PRKG1: variants seen among roughly 807,000 people sequenced by gnomAD.
The protein encoded by PRKG1 is cGMP-dependent protein kinase 1.
Under a neutral mutation model 88.1 loss-of-function variants are expected in PRKG1, and 35 were observed. That is an observed-to-expected ratio of 0.40 (90% CI 0.30 to 0.53). The LOEUF is 0.53. Ranked by LOEUF, PRKG1 falls within the 20% of genes least tolerant of loss-of-function variation. The probability of loss-of-function intolerance (pLI) is 0.59; values close to 1 mark genes in which losing one functional copy is unlikely to be tolerated. For missense variants in PRKG1, 540 were observed against 839.8 expected, an observed-to-expected ratio of 0.64 and a Z score of 4.41; for synonymous variants, 303 against 292.5, an observed-to-expected ratio of 1.04 and a Z score of -0.37.
chr10:51,451,224 G>C (rs1178555564), intron 2 of PRKG1, among the ~76,000 whole-genome samples: 1 of 151,714 alleles, frequency 6.6e-6, no homozygotes, highest in African/African-American at 2.4e-5. Context: ...GTTTAAGGGA[G>C]TGATGAGACT....
intron 3 of PRKG1, among the ~76,000 whole-genome samples, chr10:51,651,078 A>G (rs779322465): frequency 2.6e-5 from 4 of 152,208 alleles, no homozygotes; most frequent in Non-Finnish European, 4.4e-5. Context: ...TCTGCTAAAC[A>G]TTCTACAATG....
intron 3 of PRKG1, among the ~76,000 whole-genome samples, chr10:51,502,020 C>T (rs117786992): frequency 0.046 from 6,976 of 151,880 alleles, 261 homozygotes; most frequent in Middle Eastern, 0.1. Flanking sequence ...ATGAGATTTT[C>T]AATGTTTAAT....
chr10:51,456,878 CAA>C (rs1011151213), intron 2 of PRKG1, among the ~76,000 whole-genome samples: 3 of 152,130 alleles, frequency 2.0e-5, no homozygotes, highest in Non-Finnish European at 2.9e-5. Flanking sequence ...ATGAAAACCA[CAA>C]AGAGATACCA....
chr10:51,031,613 A>G (rs1363203450), intron 1 of PRKG1, among the ~76,000 whole-genome samples: 1 of 152,186 alleles, frequency 6.6e-6, no homozygotes. Flanking sequence ...TACATGCAGT[A>G]TCTTGTTTTT....
At chr10:51,974,801 T>C (rs765002767) in intron 5 of PRKG1, among the ~76,000 whole-genome samples, 1 of 152,176 alleles carries the variant, frequency 6.6e-6, no homozygotes, top group African/African-American at 2.4e-5. Flanking sequence ...TCTGCCTTTT[T>C]AATAGTCTCT....
intron 6 of PRKG1, among the ~76,000 whole-genome samples, chr10:52,057,191 G>A (rs1205326662): frequency 1.3e-5 from 2 of 152,170 alleles, no homozygotes; most frequent in African/African-American, 2.4e-5. Flanking sequence ...AATTCCCCTT[G>A]TTCAGTTCCA....
At position 51,271,332 on chromosome 10, in the gene PRKG1, C is replaced by A. The variant is rs1196424011; in HGVS notation, c.478+118002C>A. 2.0e-5 allele frequency among the ~76,000 whole-genome samples: 3 copies of A among 151,536 alleles called. No homozygotes were observed. The East Asian group carries it at 5.8e-4, about 29-fold the overall frequency. ...CTTTCCTTGCCAAAAGTGTTTAGTT[C>A]CATCTGTTTCATCTAGTTTCCCATG... On this transcript the variant is annotated intron_variant, in intron 2 of 17. Transcript: ENST00000373980.
At chr10:51,708,240 C>T (rs1159293808) in intron 3 of PRKG1, among the ~76,000 whole-genome samples, 2 of 152,144 alleles carry the variant, frequency 1.3e-5, no homozygotes, top group Non-Finnish European at 2.9e-5. Context: ...TGTGTGCATG[C>T]ACTCTGGTGT....
At chr10:52,242,694 G>A (rs764187687) in intron 9 of PRKG1, among the ~76,000 whole-genome samples, 2 of 151,926 alleles carry the variant, frequency 1.3e-5, no homozygotes, top group African/African-American at 4.8e-5. Flanking sequence ...TTCAGGAGTT[G>A]GAGACCATCC....
At chr10:52,288,621 G>GC in intron 14 of PRKG1, 105 bp from the exon 15 acceptor site, 1 of 1,232,722 alleles carries the variant, frequency 8.1e-7, no homozygotes, top group Non-Finnish European at 1.1e-6. Context: ...ATTAATCTAA[G>GC]CCCCCAAATA....
At chr10:51,015,383 C>T (rs1400604064) in intron 1 of PRKG1, among the ~76,000 whole-genome samples, 1 of 152,178 alleles carries the variant, frequency 6.6e-6, no homozygotes, top group Non-Finnish European at 1.5e-5. Flanking sequence ...TCTTGTTACA[C>T]TATTTTTTCC....
intron 4 of PRKG1, among the ~76,000 whole-genome samples, chr10:51,898,333 T>C (rs1315698737): frequency 6.6e-6 from 1 of 152,066 alleles, no homozygotes; most frequent in Non-Finnish European, 1.5e-5. Flanking sequence ...CTCTATGATA[T>C]AGATGTATAT....
intron 2 of PRKG1, among the ~76,000 whole-genome samples, chr10:51,253,803 T>G (rs1839486580): frequency 6.6e-6 from 1 of 152,004 alleles, no homozygotes; most frequent in Admixed American, 6.6e-5. Flanking sequence ...TCTTTGTAAA[T>G]GCAAAATGTG....
chr10:52,176,316 A>C (rs1046640772), intron 9 of PRKG1, among the ~76,000 whole-genome samples: 11 of 151,356 alleles, frequency 7.3e-5, no homozygotes, highest in African/African-American at 2.4e-4. Context: ...GTGAAAAATC[A>C]GTTGGCTATA....
At chr10:51,516,050 T>G (rs1037435562) in intron 3 of PRKG1, among the ~76,000 whole-genome samples, 1 of 152,196 alleles carries the variant, frequency 6.6e-6, no homozygotes, top group Admixed American at 6.5e-5. Flanking sequence ...ACAGTCTTTT[T>G]GGGTACCTGC....
intron 5 of PRKG1, among the ~76,000 whole-genome samples, chr10:52,020,315 C>G (rs778398408): frequency 6.6e-6 from 1 of 152,090 alleles, no homozygotes; most frequent in Non-Finnish European, 1.5e-5. Context: ...GGATCTCTAG[C>G]CCTCCACAGA....
At chr10:51,487,828 A>G (rs1840592246) in intron 3 of PRKG1, among the ~76,000 whole-genome samples, 1 of 152,190 alleles carries the variant, frequency 6.6e-6, no homozygotes, top group Non-Finnish European at 1.5e-5. Context: ...ACTTTATGGC[A>G]GTTATCCTGA....
At chr10:51,334,113 A>G (rs1297514947) in intron 2 of PRKG1, among the ~76,000 whole-genome samples, 1 of 150,736 alleles carries the variant, frequency 6.6e-6, no homozygotes, top group African/African-American at 2.4e-5. Flanking sequence ...ATTGGCTTGT[A>G]ATAGGAGTCC....
chr10:52,226,807 T>C (rs1393731567), intron 9 of PRKG1, among the ~76,000 whole-genome samples: 1 of 151,744 alleles, frequency 6.6e-6, no homozygotes, highest in Non-Finnish European at 1.5e-5. Context: ...AAAAAAAATA[T>C]GGAAAACTTT....
Sources: allele counts gnomAD v4.1 joint callset (sites outside exome capture counted in the v4.1 genomes callset), GRCh38; gene constraint gnomAD v4.1.1; transcripts MANE v1.5; gene names NCBI Gene and HGNC (gene_info 2026-07-23, HGNC 2026-07-21).